The following PABPC4L variants were observed in gnomAD, a reference collection of about 807,000 sequenced individuals.
PABPC4L encodes polyadenylate-binding protein 4-like.
For missense variants in PABPC4L, 452 were observed against 451.4 expected, an observed-to-expected ratio of 1.00 and a Z score of -0.01; for synonymous variants, 169 against 164.1, an observed-to-expected ratio of 1.03 and a Z score of -0.23.
chr4:134,078,400 G>A, the PABPC4L span, among the ~76,000 whole-genome samples: 1 of 152,226 alleles, frequency 6.6e-6, no homozygotes, highest in East Asian at 1.9e-4. Flanking sequence ...AAGGAAAGTG[G>A]TTATTCAAAA....
chr4:134,100,011 A>T, the PABPC4L span, among the ~76,000 whole-genome samples: 2 of 151,686 alleles, frequency 1.3e-5, no homozygotes, highest in Admixed American at 1.3e-4. Context: ...AGAAACTAAA[A>T]TGTGACAGAT....
At chr4:134,090,071 G>C in the PABPC4L span, among the ~76,000 whole-genome samples, 1 of 152,028 alleles carries the variant, frequency 6.6e-6, no homozygotes, top group Admixed American at 6.6e-5. Context: ...CCGTTCTCAG[G>C]TATTCAGTGA....
chr4:133,955,315 A>T, the PABPC4L span, among the ~76,000 whole-genome samples: 1 of 152,114 alleles, frequency 6.6e-6, no homozygotes, highest in African/African-American at 2.4e-5. Flanking sequence ...TCAATGAAAG[A>T]ATTATATGCA....
At chr4:134,194,788 T>C (rs1165479189), downstream of PABPC4L, among the ~76,000 whole-genome samples, 1 of 151,670 alleles carries the variant, frequency 6.6e-6, no homozygotes, top group African/African-American at 2.4e-5. Context: ...CCAATTAATT[T>C]CCAGTATATT....
the PABPC4L span, among the ~76,000 whole-genome samples, chr4:134,126,068 T>G: frequency 1.3e-5 from 2 of 152,168 alleles, no homozygotes; most frequent in African/African-American, 4.8e-5. Flanking sequence ...CTTATATTCT[T>G]TAATAAGTAA....
the PABPC4L span, among the ~76,000 whole-genome samples, chr4:134,113,937 T>A: frequency 6.6e-6 from 1 of 151,912 alleles, no homozygotes; most frequent in Non-Finnish European, 1.5e-5. Flanking sequence ...CAAATTATAC[T>A]CAACCTTTTG....
rs1397620160 is a variant in PABPC4L, at chr4:134,199,319, C to G, written c.*588G>C. On this transcript the variant is annotated 3_prime_UTR_variant, in exon 2 of 2. Coordinates refer to ENST00000421491, the MANE Select transcript of PABPC4L (RefSeq NM_001114734.2). Reference sequence around the variant, plus strand: ...AAACTTCCATCATCTTAATTTAAACCATCCGAAAAACAAGCATGTCAGGAT... The same window carrying G: ...AAACTTCCATCATCTTAATTTAAACGATCCGAAAAACAAGCATGTCAGGAT... The G allele has an allele frequency of 6.6e-6, 1 of 152,042 alleles. No individual in the cohort carries two copies. Among genetic ancestry groups the G allele is most frequent in the African/African-American group, 2.4e-5 (1 of 41,434 alleles). 9.4% of individuals were successfully genotyped at this position (152,042 alleles called of 1,614,324 possible).
the PABPC4L span, among the ~76,000 whole-genome samples, chr4:134,092,335 A>G: frequency 6.6e-6 from 1 of 152,048 alleles, no homozygotes; most frequent in African/African-American, 2.4e-5. Flanking sequence ...AATGTCGAAG[A>G]GGCAGCTGGA....
the PABPC4L span, among the ~76,000 whole-genome samples, chr4:134,003,480 A>G: frequency 6.6e-6 from 1 of 152,046 alleles, no homozygotes; most frequent in South Asian, 2.1e-4. Context: ...TCCTGACTAT[A>G]AAACAGTGCT....
At chr4:134,054,160 T>C in the PABPC4L span, among the ~76,000 whole-genome samples, 1 of 150,402 alleles carries the variant, frequency 6.6e-6, no homozygotes, top group Non-Finnish European at 1.5e-5. Context: ...AATTTAGTCA[T>C]CTTCAAGTCT....
chr4:134,123,602 G>A, the PABPC4L span, among the ~76,000 whole-genome samples: 37 of 151,926 alleles, frequency 2.4e-4, no homozygotes, highest in Non-Finnish European at 4.9e-4. Flanking sequence ...AGAATAGACT[G>A]TAGACTATAC....
the PABPC4L span, among the ~76,000 whole-genome samples, chr4:134,007,823 G>T: frequency 3.3e-5 from 5 of 151,536 alleles, no homozygotes; most frequent in African/African-American, 1.2e-4. Flanking sequence ...ACTCTTAAAA[G>T]TAGAATAATA....
the PABPC4L span, among the ~76,000 whole-genome samples, chr4:133,981,450 AT>A: frequency 7.9e-5 from 12 of 152,262 alleles, 1 homozygote; most frequent in Admixed American, 6.5e-4. Context: ...ATTGAAAAAA[AT>A]AGATGTGCTC....
At chr4:134,084,674 A>G in the PABPC4L span, among the ~76,000 whole-genome samples, 1 of 152,164 alleles carries the variant, frequency 6.6e-6, no homozygotes, top group African/African-American at 2.4e-5. Context: ...AAAGGAAAGA[A>G]AAGAGAAGTC....
chr4:134,047,811 GTTT>G, the PABPC4L span, among the ~76,000 whole-genome samples: 1 of 147,370 alleles, frequency 6.8e-6, no homozygotes. Context: ...CTGCACCAGG[GTTT>G]TTTTTTTTTT....
At chr4:134,031,146 C>A in the PABPC4L span, among the ~76,000 whole-genome samples, 32 of 152,062 alleles carry the variant, frequency 2.1e-4, no homozygotes, top group Admixed American at 2.0e-3. Flanking sequence ...TCCCAGTTCT[C>A]CTAGATATCC....
At chr4:134,079,033 C>CTGA in the PABPC4L span, among the ~76,000 whole-genome samples, 926 of 137,642 alleles carry the variant, frequency 6.7e-3, 39 homozygotes, top group East Asian at 0.084. Context: ...GTGTAGTGAC[C>CTGA]TGATCTTGGT....
the PABPC4L span, among the ~76,000 whole-genome samples, chr4:133,955,839 T>C: frequency 6.6e-6 from 1 of 152,174 alleles, no homozygotes; most frequent in Non-Finnish European, 1.5e-5. Flanking sequence ...TCAAAATATA[T>C]GTGACCATTT....
chr4:134,012,433 C>T, the PABPC4L span, among the ~76,000 whole-genome samples: 3 of 152,150 alleles, frequency 2.0e-5, no homozygotes, highest in Non-Finnish European at 2.9e-5. Flanking sequence ...CCCACTCCTG[C>T]CCGCCAGAGA....
Sources: allele counts gnomAD v4.1 joint callset (sites outside exome capture counted in the v4.1 genomes callset), GRCh38; gene constraint gnomAD v4.1.1; transcripts MANE v1.5; gene names NCBI Gene and HGNC (gene_info 2026-07-23, HGNC 2026-07-21).